CTNNA3: variants seen among roughly 807,000 people sequenced by gnomAD.
The protein encoded by CTNNA3 is catenin alpha 3, also known as catenin alpha-3.
CTNNA3 carries 76 observed loss-of-function variants against 95.7 expected under a neutral mutation model. That is an observed-to-expected ratio of 0.79 (90% CI 0.66 to 0.96). The LOEUF is 0.96. Ranked by LOEUF, CTNNA3 falls within the 40% of genes least tolerant of loss-of-function variation. The pLI is 0.00. For missense variants in CTNNA3, 1,191 were observed against 1,089.8 expected, an observed-to-expected ratio of 1.09 and a Z score of -1.31; for synonymous variants, 431 against 374.4, an observed-to-expected ratio of 1.15 and a Z score of -1.74.
chr10:67,285,878 G>A (rs542299402), intron 5 of CTNNA3, among the ~76,000 whole-genome samples: 16 of 152,240 alleles, frequency 1.1e-4, no homozygotes, highest in African/African-American at 3.6e-4. Flanking sequence ...AAAACACCAG[G>A]CAATCAGTTT....
At chr10:67,264,121 A>C (rs953433187) in intron 5 of CTNNA3, among the ~76,000 whole-genome samples, 5 of 152,184 alleles carry the variant, frequency 3.3e-5, no homozygotes, top group African/African-American at 4.8e-5. Context: ...ATAGTTTATT[A>C]AGGACACATG....
chr10:66,565,337 T>C (rs1001230486), intron 10 of CTNNA3, among the ~76,000 whole-genome samples: 2 of 152,104 alleles, frequency 1.3e-5, no homozygotes, highest in Non-Finnish European at 2.9e-5. Flanking sequence ...AAGTAAAATG[T>C]GTAGGTAACA....
At chr10:67,354,417 G>A (rs920673939) in intron 5 of CTNNA3, among the ~76,000 whole-genome samples, 21 of 151,906 alleles carry the variant, frequency 1.4e-4, no homozygotes, top group Non-Finnish European at 2.5e-4. Context: ...AAATATCTTG[G>A]CTGAATTACC....
At chr10:66,282,751 C>T (rs1589028078) in intron 12 of CTNNA3, among the ~76,000 whole-genome samples, 1 of 151,848 alleles carries the variant, frequency 6.6e-6, no homozygotes. Context: ...AAATGATGGA[C>T]ACTCAATAAG....
chr10:66,863,174 A>G (rs965972431), intron 7 of CTNNA3, among the ~76,000 whole-genome samples: 1 of 137,284 alleles, frequency 7.3e-6, no homozygotes, highest in Non-Finnish European at 1.6e-5. Flanking sequence ...ACATGAGCCA[A>G]TTCTTTACAC....
chr10:66,280,647 G>A (rs764612743), intron 12 of CTNNA3, 26 bp from the exon 13 acceptor site: 19 of 1,564,932 alleles, frequency 1.2e-5, no homozygotes, highest in East Asian at 2.3e-5. Context: ...ATAAGGAGAA[G>A]ATTGTCCTCT....
chr10:66,798,514 C>T (rs780825634), intron 7 of CTNNA3, among the ~76,000 whole-genome samples: 1 of 151,408 alleles, frequency 6.6e-6, no homozygotes, highest in Non-Finnish European at 1.5e-5. Flanking sequence ...ATTGCCAATG[C>T]CACTATTTTA....
At chr10:67,286,372 C>A (rs1839604927) in intron 5 of CTNNA3, among the ~76,000 whole-genome samples, 1 of 152,146 alleles carries the variant, frequency 6.6e-6, no homozygotes, top group Non-Finnish European at 1.5e-5. Context: ...TAGTTCAAAT[C>A]CCAGTTCTGT....
intron 1 of CTNNA3, among the ~76,000 whole-genome samples, chr10:67,657,574 G>A (rs1840060056): frequency 6.6e-6 from 1 of 152,062 alleles, no homozygotes; most frequent in Non-Finnish European, 1.5e-5. Context: ...GACCAGGCAC[G>A]GTGGCTCACA....
chr10:67,758,659 T>A (rs766230941), intron 1 of CTNNA3, among the ~76,000 whole-genome samples: 2 of 152,014 alleles, frequency 1.3e-5, no homozygotes, highest in Non-Finnish European at 2.9e-5. Flanking sequence ...ATCAACCCCA[T>A]ATATAGAGCT....
chr10:66,059,468 T>G (rs2080152098), intron 15 of CTNNA3, among the ~76,000 whole-genome samples: 1 of 152,146 alleles, frequency 6.6e-6, no homozygotes, highest in African/African-American at 2.4e-5. Context: ...TCCCTATTTA[T>G]ATCTCAGCTC....
intron 3 of CTNNA3, among the ~76,000 whole-genome samples, chr10:67,589,826 T>C (rs1193098520): frequency 1.3e-5 from 2 of 152,138 alleles, no homozygotes. Flanking sequence ...TTCAACCAAG[T>C]TTGCTCTACA....
intron 10 of CTNNA3, among the ~76,000 whole-genome samples, chr10:66,579,721 C>A (rs758066518): frequency 1.3e-5 from 2 of 151,336 alleles, no homozygotes; most frequent in Non-Finnish European, 3.0e-5. Context: ...TTGATTTCTC[C>A]TTTATTTCTG....
chr10:67,576,294 T>G (rs1842141331), intron 3 of CTNNA3, among the ~76,000 whole-genome samples: 1 of 152,188 alleles, frequency 6.6e-6, no homozygotes, highest in Admixed American at 6.5e-5. Flanking sequence ...AGCCTTGACC[T>G]TGAGAGTCAT....
chr10:67,472,826 G>C lies in CTNNA3; in HGVS notation c.579+49016C>G, dbSNP rs76748641. Among the ~76,000 whole-genome samples the C allele has an allele frequency of 5.0e-3, 767 of 152,262 alleles. 23 individuals carry two copies. The East Asian group carries it at 0.076, about 15-fold the overall frequency. On this transcript the variant is annotated intron_variant, in intron 5 of 17. Coordinates refer to ENST00000433211, the MANE Select transcript of CTNNA3 (RefSeq NM_013266.4). ...CTTTCCTGCACAAAGCCAAAGCCAA[G>C]GACCAACTTGGCCTTCTGAGTTGAG...
chr10:67,536,593 A>T (rs1159074100), intron 4 of CTNNA3, among the ~76,000 whole-genome samples: 1 of 152,128 alleles, frequency 6.6e-6, no homozygotes, highest in South Asian at 2.1e-4. Context: ...AAAAATTCCA[A>T]ACTGATATTT....
intron 9 of CTNNA3, among the ~76,000 whole-genome samples, chr10:66,720,813 A>G (rs1296726234): frequency 1.3e-5 from 2 of 152,138 alleles, no homozygotes; most frequent in Non-Finnish European, 2.9e-5. Flanking sequence ...AGCCTGGGTG[A>G]CAGAGAGAGA....
chr10:67,033,947 T>A (rs1853887438), intron 7 of CTNNA3, among the ~76,000 whole-genome samples: 1 of 152,106 alleles, frequency 6.6e-6, no homozygotes, highest in Non-Finnish European at 1.5e-5. Flanking sequence ...AATTTTTGTA[T>A]TTTTAATAGA....
intron 13 of CTNNA3, among the ~76,000 whole-genome samples, chr10:66,254,803 A>G (rs1243477532): frequency 6.6e-6 from 1 of 152,158 alleles, no homozygotes; most frequent in African/African-American, 2.4e-5. Flanking sequence ...TGGGATCCTG[A>G]AGCCCTAGAG....
Sources: allele counts gnomAD v4.1 joint callset (sites outside exome capture counted in the v4.1 genomes callset), GRCh38; gene constraint gnomAD v4.1.1; transcripts MANE v1.5; gene names NCBI Gene and HGNC (gene_info 2026-07-23, HGNC 2026-07-21).